ASTN2: variants seen among roughly 807,000 people sequenced by gnomAD.
ASTN2 encodes astrotactin-2.
ASTN2 carries 54 observed loss-of-function variants against 139.8 expected under a neutral mutation model. The ratio of observed to expected loss-of-function variants is 0.39; its 90% confidence interval spans 0.31 to 0.48. The LOEUF (loss-of-function observed/expected upper bound fraction) is 0.48, where lower values mean the gene tolerates loss of function less well. ASTN2 is among the 20% of genes least tolerant of loss of function. ASTN2 has a pLI of 0.95. For missense variants in ASTN2, 1,565 were observed against 1,725.1 expected (o/e 0.91, Z 1.64); for synonymous variants, 756 against 719.5 (o/e 1.05, Z -0.81).
intron 7 of ASTN2, among the ~76,000 whole-genome samples, chr9:117,003,948 G>A (rs1162572908): frequency 3.5e-5 from 5 of 142,996 alleles, no homozygotes; most frequent in South Asian, 2.3e-4. Flanking sequence ...TCACGCGCGC[G>A]CGCGCGTGTG....
chr9:117,215,082 T>C (rs1166442102), intron 2 of ASTN2, among the ~76,000 whole-genome samples: 2 of 152,078 alleles, frequency 1.3e-5, no homozygotes, highest in African/African-American at 2.4e-5. Context: ...TACAGATAGC[T>C]CAGTGGCAGG....
At chr9:117,245,664 C>A (rs1294821841) in intron 2 of ASTN2, among the ~76,000 whole-genome samples, 1 of 152,072 alleles carries the variant, frequency 6.6e-6, no homozygotes, top group Non-Finnish European at 1.5e-5. Flanking sequence ...AATCATGTCT[C>A]TTTCCCTCTA....
At chr9:117,016,646 A>ATGTTACATATATAGGT (rs1837704160) in intron 6 of ASTN2, among the ~76,000 whole-genome samples, 5 of 102,414 alleles carry the variant, frequency 4.9e-5, no homozygotes, top group African/African-American at 2.1e-4. Context: ...ATATATATAT[A>ATGTTACATATATAGGT]TATATATATA....
intron 13 of ASTN2, among the ~76,000 whole-genome samples, chr9:116,759,037 C>T (rs1829605700): frequency 6.6e-6 from 1 of 152,120 alleles, no homozygotes; most frequent in Non-Finnish European, 1.5e-5. Context: ...CCGCCATGCC[C>T]TGCTAATTTT....
Position 116,561,892 on chromosome 9 carries a change from T to G in ASTN2, c.3355+56432A>C, listed in dbSNP as rs1349344994. 2.0e-5 allele frequency: 3 copies of G among 152,240 alleles called. No homozygotes were observed. The East Asian group carries it at 5.8e-4, about 29-fold the overall frequency. 9.4% of individuals were successfully genotyped at this position (152,240 alleles called of 1,614,324 possible). On this transcript the variant is annotated intron_variant, in intron 19 of 22. Transcript: ENST00000313400. The stretch of plus-strand genomic sequence containing the variant: ...TTTCATTCCCTTGACTTCCTCTCAA[T>G]TCACACAATTAGGATTCTTCATATT...
intron 6 of ASTN2, among the ~76,000 whole-genome samples, chr9:117,028,402 TG>T (rs1838155547): frequency 6.6e-6 from 1 of 152,180 alleles, no homozygotes; most frequent in Non-Finnish European, 1.5e-5. Flanking sequence ...AAGGCTTTGC[TG>T]GGTAGCAGCG....
intron 5 of ASTN2, among the ~76,000 whole-genome samples, chr9:117,054,183 T>C (rs1186150330): frequency 6.6e-6 from 1 of 152,186 alleles, no homozygotes; most frequent in African/African-American, 2.4e-5. Flanking sequence ...AAAAGAACAA[T>C]GGCAGTCTTA....
chr9:116,531,846 A>C (rs1284829792), intron 19 of ASTN2, among the ~76,000 whole-genome samples: 1 of 152,200 alleles, frequency 6.6e-6, no homozygotes, highest in Non-Finnish European at 1.5e-5. Context: ...GTGTCTTTAT[A>C]GCAGCATGAC....
Position 117,214,600 on chromosome 9 carries a change from A to G in ASTN2, c.773T>C (p.Val258Ala). The change falls in exon 3 of 23, where the codon GTG (valine) becomes GCG (alanine). Residue 258 changes from valine (V) to alanine (A), a missense_variant. Physicochemically the swap from Val to Ala is moderately conservative, Grantham distance 64. Coordinates refer to ENST00000313400, the MANE Select transcript of ASTN2 (RefSeq NM_001365068.1). ...CTCCCGCGCCTGGGGACCCAGCAGCACAGATGGGATGTAGTGGATCTCATG... is the reference window on the plus strand; with the variant it reads ...CTCCCGCGCCTGGGGACCCAGCAGCGCAGATGGGATGTAGTGGATCTCATG... ...ATHEIHYIPS[V>A]LLGPQARESF... 6.2e-7 allele frequency: 1 copy of G among 1,604,058 alleles called. No homozygotes were observed. The highest frequency in any genetic ancestry group is 8.5e-7 in the Non-Finnish European group (1 of 1,171,896).
At chr9:116,528,155 T>C (rs1384532046) in intron 19 of ASTN2, among the ~76,000 whole-genome samples, 1 of 152,178 alleles carries the variant, frequency 6.6e-6, no homozygotes, top group African/African-American at 2.4e-5. Context: ...TGGAACTTCC[T>C]AGAGACCTGT....
chr9:116,513,151 T>C (rs1410983512), intron 19 of ASTN2, among the ~76,000 whole-genome samples: 2 of 152,192 alleles, frequency 1.3e-5, no homozygotes, highest in East Asian at 1.9e-4. Flanking sequence ...GCTGTTCCTT[T>C]CCATGTTTAG....
chr9:116,833,370 C>T (rs907142608), intron 11 of ASTN2, among the ~76,000 whole-genome samples: 2 of 150,154 alleles, frequency 1.3e-5, no homozygotes, highest in South Asian at 2.1e-4. Flanking sequence ...TCATTAACTT[C>T]GTTGTTTTTC....
chr9:117,010,428 C>G (rs1837486048), intron 6 of ASTN2, among the ~76,000 whole-genome samples: 1 of 151,936 alleles, frequency 6.6e-6, no homozygotes, highest in South Asian at 2.1e-4. Context: ...GAATTGTGTC[C>G]CAGGGCTGAG....
chr9:116,698,277 G>C lies in ASTN2; in HGVS notation c.2806+27494C>G, dbSNP rs1487294115. ...GGAAGGTGTCTCCAAGGACCTTCAG[G>C]CAAGGTATAAAGCAGTTCTCCAGGA... On this transcript the variant is annotated intron_variant, in intron 16 of 22. Coordinates refer to ENST00000313400, the MANE Select transcript of ASTN2 (RefSeq NM_001365068.1). This position sits in a 1 kb window ranked among gnomAD's most constrained non-coding sequence, Gnocchi z 4.4. The C allele has an allele frequency of 6.2e-7, 1 of 1,614,024 alleles. No homozygotes were observed. The highest frequency in any genetic ancestry group is 1.3e-5 in the African/African-American group (1 of 74,938).
rs140883886 is a variant in ASTN2 at position 117,022,169 on chromosome 9, C to T, written c.1424-13910G>A. Among the ~76,000 whole-genome samples, 964 of 152,206 alleles carry T rather than the reference C, an allele frequency of 6.3e-3. 11 individuals carry two copies. Among genetic ancestry groups the T allele is most frequent in the African/African-American group, 0.022 (924 of 41,546 alleles). On this transcript the variant is annotated intron_variant, in intron 6 of 22. Coordinates refer to ENST00000313400, the MANE Select transcript of ASTN2 (RefSeq NM_001365068.1). ...TTGTGTGTGTGCATAAACAAGAACA[C>T]ACAACTCCTGCTGCCTCTGAGGACT...
chr9:117,201,961 T>C (rs1020065098), intron 3 of ASTN2, among the ~76,000 whole-genome samples: 4 of 152,180 alleles, frequency 2.6e-5, no homozygotes, highest in Admixed American at 6.5e-5. Context: ...CCACTATTAT[T>C]GTGTGGGAGT....
At chr9:116,919,623 T>C (rs1834541258) in intron 10 of ASTN2, among the ~76,000 whole-genome samples, 1 of 151,362 alleles carries the variant, frequency 6.6e-6, no homozygotes, top group Non-Finnish European at 1.5e-5. Flanking sequence ...GTTGTGTCAA[T>C]TGTTTACAAA....
At chr9:117,103,685 C>T (rs927804613) in intron 4 of ASTN2, among the ~76,000 whole-genome samples, 5 of 152,118 alleles carry the variant, frequency 3.3e-5, no homozygotes, top group Admixed American at 6.5e-5. Context: ...ATTCAGGCTC[C>T]GTGTCTTCCT....
intron 20 of ASTN2, among the ~76,000 whole-genome samples, chr9:116,482,465 A>G (rs1445739901): frequency 6.6e-6 from 1 of 152,192 alleles, no homozygotes; most frequent in African/African-American, 2.4e-5. Flanking sequence ...TAGCAGTATT[A>G]TCCAGAAAGT....
Sources: allele counts gnomAD v4.1 joint callset (sites outside exome capture counted in the v4.1 genomes callset), GRCh38; gene constraint gnomAD v4.1.1; non-coding constraint Gnocchi (gnomAD v3.1); transcripts MANE v1.5; gene names NCBI Gene and HGNC (gene_info 2026-07-23, HGNC 2026-07-21).